GSN: variants seen among roughly 807,000 people sequenced by gnomAD.
GSN encodes gelsolin, also known as actin-depolymerizing factor.
In GSN, 56 loss-of-function variants were observed where a neutral mutation model predicts 85.7. The ratio of observed to expected loss-of-function variants is 0.65; its 90% CI spans 0.53 to 0.82. The LOEUF is 0.82. Among genes scored for constraint, GSN ranks in the 40% least tolerant of loss-of-function variants. The pLI is 0.00. For missense variants in GSN, 857 were observed against 979.8 expected (o/e 0.87, Z 1.67); for synonymous variants, 373 against 399.1 (o/e 0.93, Z 0.78).
At position 121,279,248 on chromosome 9, in the gene GSN, A is replaced by C. The variant is rs112078303; in HGVS notation, c.-102-2222A>C. Among the ~76,000 whole-genome samples, 1,086 of 152,314 alleles carry C rather than the reference A, an allele frequency of 7.1e-3. 9 individuals are homozygous for C. Among genetic ancestry groups the C allele is most frequent in the Non-Finnish European group, 0.012 (833 of 68,020 alleles). On this transcript the variant is annotated intron_variant, in intron 1 of 17. Transcript: ENST00000432226. Reference sequence around the variant, plus strand: ...TGAGGGCCAAGGCTCAAGGAGTTGAAGGGGACAGGTCATGAAGAATGTGGA... The same window carrying C: ...TGAGGGCCAAGGCTCAAGGAGTTGACGGGGACAGGTCATGAAGAATGTGGA...
Position 121,286,098 on chromosome 9 carries a change from T to A in GSN, c.-10+4536T>A, listed in dbSNP as rs1205053762. 5 of 1,535,138 alleles carry A rather than the reference T, an allele frequency of 3.3e-6. No individual in the cohort carries two copies. The South Asian group carries it at 5.9e-5, about 18-fold the overall frequency. The stretch of plus-strand genomic sequence containing the variant: ...CTATTTATAGGCTGAGATGATTAGG[T>A]TGGCCTGTGTCAGGAGAGGCCCACA... On this transcript the variant is annotated intron_variant, in intron 2 of 17. Transcript: ENST00000432226.
At chr9:121,307,046 T>C (rs2060491309) in intron 4 of GSN, among the ~76,000 whole-genome samples, 1 of 152,146 alleles carries the variant, frequency 6.6e-6, no homozygotes, top group African/African-American at 2.4e-5. Flanking sequence ...CCGGGCGTGG[T>C]GGCGGGTGCC....
intron 1 of GSN, among the ~76,000 whole-genome samples, chr9:121,276,357 C>A (rs1345321137): frequency 6.6e-6 from 1 of 152,242 alleles, no homozygotes; most frequent in Non-Finnish European, 1.5e-5. Flanking sequence ...GTAAAATGGG[C>A]TACATCCTTA....
chr9:121,320,874 A>G (rs2097415636), intron 10 of GSN, among the ~76,000 whole-genome samples: 1 of 151,990 alleles, frequency 6.6e-6, no homozygotes, highest in East Asian at 1.9e-4. Context: ...CATTTTTCAG[A>G]TGGGAAAACT....
In GSN at chr9:121,314,527, A is replaced by G. The variant is rs555762642; in HGVS notation, c.753+504A>G. Among the ~76,000 whole-genome samples, 6 of 152,338 alleles carry G rather than the reference A, an allele frequency of 3.9e-5. No individual in the cohort carries two copies. In the East Asian group the frequency reaches 1.2e-3, roughly 29 times the overall value. ...TTGGCTGAGCTCTGGGAGAAAGCTCAATCACACTTACGTTGTGCCCCAAGT... is the reference window on the plus strand; with the variant it reads ...TTGGCTGAGCTCTGGGAGAAAGCTCGATCACACTTACGTTGTGCCCCAAGT... On this transcript the variant is annotated intron_variant, in intron 7 of 17. Transcript: ENST00000432226.
intron 2 of GSN, among the ~76,000 whole-genome samples, chr9:121,301,036 C>T (rs118036389): frequency 0.025 from 3,751 of 152,324 alleles, 52 homozygotes; most frequent in Non-Finnish European, 0.039. Flanking sequence ...GTGTGACCTT[C>T]GGTCAGTCCC....
intron 1 of GSN, among the ~76,000 whole-genome samples, chr9:121,274,185 TG>T (rs2056367623): frequency 6.6e-6 from 1 of 152,338 alleles, no homozygotes; most frequent in Middle Eastern, 3.4e-3. Context: ...TTAAAAGATC[TG>T]GGCACTAGGC....
intron 2 of GSN, among the ~76,000 whole-genome samples, chr9:121,290,923 C>G (rs2058622197): frequency 6.6e-6 from 1 of 152,010 alleles, no homozygotes; most frequent in Non-Finnish European, 1.5e-5. Context: ...GTGATCCTCC[C>G]TCCTCAGCCT....
At chr9:121,288,541 A>C (rs2058371652) in intron 2 of GSN, among the ~76,000 whole-genome samples, 1 of 152,180 alleles carries the variant, frequency 6.6e-6, no homozygotes, top group Non-Finnish European at 1.5e-5. Context: ...TGCATTACCT[A>C]CTTTAATCCT....
chr9:121,236,175 TTTTTC>T (rs1213648798), intron 5 of GSN, among the ~76,000 whole-genome samples: 3 of 152,126 alleles, frequency 2.0e-5, no homozygotes, highest in African/African-American at 4.8e-5. Flanking sequence ...TTCTCTCTTT[TTTTTC>T]TTTTTCCATT....
chr9:121,232,593 T>C (rs2054413040), intron 5 of GSN, among the ~76,000 whole-genome samples: 1 of 152,234 alleles, frequency 6.6e-6, no homozygotes. Flanking sequence ...GGACTACCCA[T>C]TTAACAAATT....
In GSN at chr9:121,301,858, G is replaced by A. The variant is rs758745137; in HGVS notation, c.-9-105G>A. The A allele has an allele frequency of 2.5e-6, 4 of 1,583,198 alleles. No individual in the cohort carries two copies. In the Admixed American group the frequency reaches 6.8e-5, roughly 27 times the overall value. On this transcript the variant is annotated intron_variant, in intron 2 of 17. Transcript: ENST00000432226. ...CCCTGGGGCGTGGGGAGAGCAGGAG[G>A]CTCAAGTGAGATGCTCTTGGTGCTA...
At chr9:121,321,191 C>T in intron 10 of GSN, 77 bp from the exon 11 acceptor site, 3 of 1,502,350 alleles carry the variant, frequency 2.0e-6, no homozygotes, top group Non-Finnish European at 2.8e-6. Context: ...CAACCTACCA[C>T]ACTGCGGTTT....
chr9:121,324,471 G>A, intron 11 of GSN, 83 bp from the exon 12 acceptor site: 2 of 732,976 alleles, frequency 2.7e-6, no homozygotes, highest in Non-Finnish European at 4.9e-6. Flanking sequence ...ACAGGGAGAT[G>A]TGTAGGTTTC....
chr9:121,298,014 C>G (rs531585421), intron 2 of GSN, among the ~76,000 whole-genome samples: 1 of 152,200 alleles, frequency 6.6e-6, no homozygotes, highest in Non-Finnish European at 1.5e-5. Context: ...GGAGAGCTCT[C>G]TGAATTTAGG....
At chr9:121,231,007 C>T (rs765006111) in intron 4 of GSN, among the ~76,000 whole-genome samples, 1 of 152,152 alleles carries the variant, frequency 6.6e-6, no homozygotes, top group Non-Finnish European at 1.5e-5. Context: ...GCACCTACTA[C>T]GTGCAGGGTA....
rs1301768866 is a variant in GSN, at chr9:121,299,397, T to G, written c.-9-2566T>G. 6 of 973,690 alleles carry G rather than the reference T, an allele frequency of 6.2e-6. No homozygotes were observed. In the African/African-American group the frequency reaches 1.1e-4, roughly 17 times the overall value. The allele number at this position is 973,690 out of a possible 1,614,324, so 60.3% of individuals were successfully genotyped here. On this transcript the variant is annotated intron_variant, in intron 2 of 17. Coordinates refer to ENST00000432226, the MANE Select transcript of GSN (RefSeq NM_198252.3). The surrounding 1 kb of genome is among the most constrained non-coding windows in gnomAD (Gnocchi z 4.2). ...AGCTGTGTGCAAGTTGCTTCACCAC[T>G]CTGCGCTGTTCCCCCCTCTGTAAAA...
At chr9:121,311,514 T>C (rs1589056264) in intron 5 of GSN, 1 of 156,218 alleles carries the variant, frequency 6.4e-6, no homozygotes, top group Non-Finnish European at 1.4e-5. Flanking sequence ...GAATCCTGAG[T>C]GTACAGCTTG....
intron 5 of GSN, among the ~76,000 whole-genome samples, chr9:121,244,395 A>G (rs1004101963): frequency 6.6e-6 from 1 of 152,236 alleles, no homozygotes. Context: ...ATTGCATGTT[A>G]CATTTTATAA....
Sources: allele counts gnomAD v4.1 joint callset (sites outside exome capture counted in the v4.1 genomes callset), GRCh38; gene constraint gnomAD v4.1.1; non-coding constraint Gnocchi (gnomAD v3.1); transcripts MANE v1.5; gene names NCBI Gene and HGNC (gene_info 2026-07-23, HGNC 2026-07-21).